SCUBE3: variants seen among roughly 807,000 people sequenced by gnomAD.
SCUBE3 encodes the protein signal peptide, CUB and EGF-like domain-containing protein 3.
A neutral mutation model predicts 116.8 loss-of-function variants in SCUBE3; 33 were observed. The observed-to-expected ratio is 0.28, with a 90% CI of 0.21 to 0.38. The LOEUF is 0.38. SCUBE3 is among the 10% of genes least tolerant of loss of function. The probability of loss-of-function intolerance (pLI) is 1.00; values close to 1 mark genes in which losing one functional copy is unlikely to be tolerated. For missense variants in SCUBE3, 1,007 were observed against 1,324.8 expected (o/e 0.76, Z 3.72); for synonymous variants, 418 against 496.9 (o/e 0.84, Z 2.11).
Position 35,241,448 on chromosome 6 carries a change from TACA to T in SCUBE3, c.1196-90_1196-88del. On this transcript the variant is annotated intron_variant, in intron 10 of 21. Transcript: ENST00000274938. The surrounding 1 kb of genome is among the most constrained non-coding windows in gnomAD (Gnocchi z 4.1). ...CAATCCCATCATCAGTCTCCATGGG[TACA>T]ACAATAGTTATGCAAGTAGCTGATT... 8.9e-7 allele frequency: 1 copy of T among 1,126,834 alleles called. No homozygotes were observed. 69.8% of individuals were successfully genotyped at this position (1,126,834 alleles called of 1,614,324 possible).
In SCUBE3 at chr6:35,239,993, C is replaced by CA; in HGVS notation, c.952+120dup. 1 of 848,280 alleles carries CA rather than the reference C, an allele frequency of 1.2e-6. No individual in the cohort carries two copies. Among genetic ancestry groups the CA allele is most frequent in the Non-Finnish European group, 1.7e-6 (1 of 575,330 alleles). The allele number at this position is 848,280 out of a possible 1,614,324, so 52.5% of individuals were successfully genotyped here. A position where few individuals can be genotyped will look rare whatever the true frequency, so the allele number is the denominator to read the frequency against. On this transcript the variant is annotated intron_variant, in intron 8 of 21. Coordinates refer to ENST00000274938, the MANE Select transcript of SCUBE3 (RefSeq NM_152753.4). This position sits in a 1 kb window ranked among gnomAD's most constrained non-coding sequence, Gnocchi z 4.1. Reference sequence around the variant, plus strand: ...AGATATCACACAGAGTCTCTAGAGGCAGTGTCATCCTGCAAATTAGCAAAT... The same window carrying CA: ...AGATATCACACAGAGTCTCTAGAGGCAAGTGTCATCCTGCAAATTAGCAAAT...
rs115453475 is a variant in SCUBE3 at position 35,219,450 on chromosome 6, C to G, written c.85+4947C>G. Among the ~76,000 whole-genome samples the G allele has an allele frequency of 6.6e-6, 1 of 152,064 alleles. No individual in the cohort carries two copies. Among genetic ancestry groups the G allele is most frequent in the East Asian group, 1.9e-4 (1 of 5,196 alleles). Reference sequence around the variant, plus strand: ...TTGGCTGAACAAATGGGATGATGACCCCTATATAGGGCACAGTGGTCCTTG... The same window carrying G: ...TTGGCTGAACAAATGGGATGATGACGCCTATATAGGGCACAGTGGTCCTTG... On this transcript the variant is annotated intron_variant, in intron 1 of 21. Transcript: ENST00000274938. The surrounding 1 kb of genome is among the most constrained non-coding windows in gnomAD (Gnocchi z 4.7).
At chr6:35,223,574 A>T (rs1208077186) in intron 1 of SCUBE3, 1 of 152,216 alleles carries the variant, frequency 6.6e-6, no homozygotes, top group African/African-American at 2.4e-5. Context: ...TCTAGGGGAC[A>T]TCTGTACATT....
chr6:35,227,823 G>C (rs956063779), intron 2 of SCUBE3, 121 bp downstream of exon 2: 14 of 1,064,524 alleles, frequency 1.3e-5, no homozygotes, highest in African/African-American at 7.8e-5. Flanking sequence ...TCAAGTGGTG[G>C]GGGGGTGGTG....
Position 35,241,855 on chromosome 6 carries a change from T to G in SCUBE3, c.1362T>G (p.Ala454=). Residue 454 remains alanine (A), a synonymous_variant, in exon 12 of 22, where the codon GCT becomes GCG. Coordinates refer to ENST00000274938, the MANE Select transcript of SCUBE3 (RefSeq NM_152753.4). This position sits in a 1 kb window ranked among gnomAD's most constrained non-coding sequence, Gnocchi z 4.1. The part of the protein sequence containing the change: ...TVSCGTPSPR[A]APARAGHNGN... ...GCTGTGGGACCCCCAGCCCCAGGGC[T>G]GCTCCAGCCCGAGCTGGCCACAATG... 1 of 1,612,864 alleles carries G rather than the reference T, an allele frequency of 6.2e-7. No homozygotes were observed. The highest frequency in any genetic ancestry group is 2.2e-5 in the East Asian group (1 of 44,888).
At chr6:35,246,471 C>A (rs1784342990) in intron 21 of SCUBE3, among the ~76,000 whole-genome samples, 186 bp downstream of exon 21, 2 of 152,108 alleles carry the variant, frequency 1.3e-5, no homozygotes, top group African/African-American at 4.8e-5. Context: ...AAGAACCTGC[C>A]CCATGGGAAG....
chr6:35,239,328 AC>A lies in SCUBE3; in HGVS notation c.830-418del, dbSNP rs1215322647. 2.0e-5 allele frequency among the ~76,000 whole-genome samples: 3 copies of A among 148,064 alleles called. No homozygotes were observed. The highest frequency in any genetic ancestry group is 2.2e-4 in the South Asian group (1 of 4,520). ...CCTCTCCTTGCCCCGCACCCCCCCA[AC>A]CCCCCGTCCTGAGGGACAGGAAAGA... On this transcript the variant is annotated intron_variant, in intron 7 of 21. Transcript: ENST00000274938. This position sits in a 1 kb window ranked among gnomAD's most constrained non-coding sequence, Gnocchi z 4.1.
Position 35,241,862 on chromosome 6 carries a change from GC to G in SCUBE3, c.1372del (p.Arg458GlufsTer123). On this transcript the variant is annotated frameshift_variant, in exon 12 of 22. Coordinates refer to ENST00000274938, the MANE Select transcript of SCUBE3 (RefSeq NM_152753.4). LOFTEE classifies it high-confidence loss of function. The surrounding 1 kb of genome is among the most constrained non-coding windows in gnomAD (Gnocchi z 4.1). The part of the protein sequence containing the change: ...CGTPSPRAAP[A>X]RAGHNGNSTN... Reference sequence around the variant, plus strand: ...GACCCCCAGCCCCAGGGCTGCTCCAGCCCGAGCTGGCCACAATGGGAACAGC... The same window carrying G: ...GACCCCCAGCCCCAGGGCTGCTCCAGCCGAGCTGGCCACAATGGGAACAGC... 6.2e-7 allele frequency: 1 copy of G among 1,612,186 alleles called. No individual in the cohort carries two copies. Among genetic ancestry groups the G allele is most frequent in the Non-Finnish European group, 8.5e-7 (1 of 1,179,970 alleles).
At position 35,235,435 on chromosome 6, in the gene SCUBE3, A is replaced by G. The variant is rs1292986814; in HGVS notation, c.712+2134A>G. ...CCAGCACCTAAACAGCTTTTTTACA[A>G]TGTCAAACAGGGGAAAGGCGGCTAG... is the stretch of plus-strand genomic sequence containing the variant. On this transcript the variant is annotated intron_variant, in intron 6 of 21. Transcript: ENST00000274938. This position sits in a 1 kb window ranked among gnomAD's most constrained non-coding sequence, Gnocchi z 4.5. 1 of 1,281,040 alleles carries G rather than the reference A, an allele frequency of 7.8e-7. No individual in the cohort carries two copies. The highest frequency in any genetic ancestry group is 1.0e-6 in the Non-Finnish European group (1 of 980,916). The allele number at this position is 1,281,040 out of a possible 1,614,324, so 79.4% of individuals were successfully genotyped here.
At position 35,239,946 on chromosome 6, in the gene SCUBE3, GC is replaced by G; in HGVS notation, c.952+73del. 1 of 1,383,346 alleles carries G rather than the reference GC, an allele frequency of 7.2e-7. No homozygotes were observed. The highest frequency in any genetic ancestry group is 2.5e-5 in the East Asian group (1 of 40,318). The allele number at this position is 1,383,346 out of a possible 1,614,324, so 85.7% of individuals were successfully genotyped here. A position where few individuals can be genotyped will look rare whatever the true frequency, so the allele number is the denominator to read the frequency against. On this transcript the variant is annotated intron_variant, in intron 8 of 21. Transcript: ENST00000274938. The surrounding 1 kb of genome is among the most constrained non-coding windows in gnomAD (Gnocchi z 4.1). The stretch of plus-strand genomic sequence containing the variant: ...GGGAGAGCTTCAAGGAGGCCAGAGG[GC>G]TAAAGTCTTAGAAACTCAATAGATA...
Position 35,231,389 on chromosome 6 carries a change from A to G in SCUBE3, c.335-336A>G, listed in dbSNP as rs995151203. 6.6e-6 allele frequency among the ~76,000 whole-genome samples: 1 copy of G among 152,054 alleles called. No individual in the cohort carries two copies. Among genetic ancestry groups the G allele is most frequent in the African/African-American group, 2.4e-5 (1 of 41,376 alleles). On this transcript the variant is annotated intron_variant, in intron 3 of 21. Coordinates refer to ENST00000274938, the MANE Select transcript of SCUBE3 (RefSeq NM_152753.4). The surrounding 1 kb of genome is among the most constrained non-coding windows in gnomAD (Gnocchi z 4.2). ...GTGACCAATCTCCATCCTTACCTTCATCACTGTTCCTCTTTCTCTGGCTTC... is the reference window on the plus strand; with the variant it reads ...GTGACCAATCTCCATCCTTACCTTCGTCACTGTTCCTCTTTCTCTGGCTTC...
Position 35,248,975 on chromosome 6 carries a change from GA to G in SCUBE3, c.*273del, listed in dbSNP as rs1784460126. On this transcript the variant is annotated 3_prime_UTR_variant, in exon 22 of 22. Coordinates refer to ENST00000274938, the MANE Select transcript of SCUBE3 (RefSeq NM_152753.4). ...GGCTCTAGTCCCCGTGAGATGTAAA[GA>G]AACAGTACAGCCCCTTCCACTGCCC... 1 of 452,816 alleles carries G rather than the reference GA, an allele frequency of 2.2e-6. No homozygotes were observed. The highest frequency in any genetic ancestry group is 4.0e-6 in the Non-Finnish European group (1 of 252,990). 28.0% of individuals were successfully genotyped at this position (452,816 alleles called of 1,614,324 possible).
intron 1 of SCUBE3, among the ~76,000 whole-genome samples, chr6:35,216,495 C>G (rs541479249): frequency 6.6e-6 from 1 of 152,318 alleles, no homozygotes; most frequent in East Asian, 1.9e-4. Context: ...AGGAAATCTA[C>G]AAACCCCATC....
intron 1 of SCUBE3, among the ~76,000 whole-genome samples, chr6:35,218,768 C>A (rs1053834361): frequency 1.3e-5 from 2 of 152,146 alleles, no homozygotes; most frequent in African/African-American, 2.4e-5. Context: ...TCCCCTCCCC[C>A]ACTGGCCACT....
rs556371742 is a variant in SCUBE3, at chr6:35,227,728, A to T, written c.208+26A>T. ...GTGAGGCTGGAAGGGCACCTGGAGG[A>T]GAGGGACCTGTGGAAGAAGGCAAAC... On this transcript the variant is annotated intron_variant, in intron 2 of 21. Coordinates refer to ENST00000274938, the MANE Select transcript of SCUBE3 (RefSeq NM_152753.4). The T allele has an allele frequency of 5.6e-6, 9 of 1,613,442 alleles. No homozygotes were observed. The East Asian group carries it at 2.0e-4, about 36-fold the overall frequency.
At position 35,231,680 on chromosome 6, in the gene SCUBE3, C is replaced by T. The variant is rs775374880; in HGVS notation, c.335-45C>T. The T allele has an allele frequency of 6.4e-7, 1 of 1,561,842 alleles. No individual in the cohort carries two copies. The highest frequency in any genetic ancestry group is 1.2e-5 in the South Asian group (1 of 84,270). ...CTGAAGTCTTGGGATATACCCTGGA[C>T]CCTGCCTGTACCCCATGACCCCACT... On this transcript the variant is annotated intron_variant, in intron 3 of 21. Coordinates refer to ENST00000274938, the MANE Select transcript of SCUBE3 (RefSeq NM_152753.4). The surrounding 1 kb of genome is among the most constrained non-coding windows in gnomAD (Gnocchi z 4.2).
rs1285198873 is a variant in SCUBE3, at chr6:35,231,567, T to TA, written c.335-157dup. On this transcript the variant is annotated intron_variant, in intron 3 of 21. Coordinates refer to ENST00000274938, the MANE Select transcript of SCUBE3 (RefSeq NM_152753.4). This position sits in a 1 kb window ranked among gnomAD's most constrained non-coding sequence, Gnocchi z 4.2. ...GCCCTCAGGGCAGCCTTTTTACACT[T>TA]AGTGAAATATTAGCTGACAAGGGTG... is the stretch of plus-strand genomic sequence containing the variant. Among the ~76,000 whole-genome samples the TA allele has an allele frequency of 6.6e-6, 1 of 152,104 alleles. No homozygotes were observed. The highest frequency in any genetic ancestry group is 1.5e-5 in the Non-Finnish European group (1 of 68,002).
chr6:35,242,558 G>C, intron 13 of SCUBE3, 64 bp from the exon 14 acceptor site: 1 of 1,463,550 alleles, frequency 6.8e-7, no homozygotes, highest in Non-Finnish European at 9.5e-7. Context: ...GGGGAGGTCT[G>C]TCTGGGCTGG....
Position 35,233,397 on chromosome 6 carries a change from G to A in SCUBE3, c.712+96G>A, listed in dbSNP as rs1358345217. 2 of 777,004 alleles carry A rather than the reference G, an allele frequency of 2.6e-6. No homozygotes were observed. 48.1% of individuals were successfully genotyped at this position (777,004 alleles called of 1,614,324 possible). ...AAGTGGAGGAGTGCATGGGGCCCAG[G>A]TGCTGGGCACAGAGGGACTGGTGAG... On this transcript the variant is annotated intron_variant, in intron 6 of 21. Transcript: ENST00000274938. This position sits in a 1 kb window ranked among gnomAD's most constrained non-coding sequence, Gnocchi z 5.7.
Sources: allele counts gnomAD v4.1 joint callset (sites outside exome capture counted in the v4.1 genomes callset), GRCh38; gene constraint gnomAD v4.1.1; non-coding constraint Gnocchi (gnomAD v3.1); transcripts MANE v1.5; gene names NCBI Gene and HGNC (gene_info 2026-07-23, HGNC 2026-07-21).